The following TENM3 variants were observed in gnomAD, a reference collection of about 807,000 sequenced individuals.
The protein encoded by TENM3 is teneurin transmembrane protein 3.
In TENM3, 63 loss-of-function variants were observed where a neutral mutation model predicts 255.1. The observed-to-expected ratio is 0.25, with a 90% CI of 0.20 to 0.30. The LOEUF (loss-of-function observed/expected upper bound fraction) is 0.30, where lower values mean the gene tolerates loss of function less well. Among genes scored for constraint, TENM3 ranks in the 10% least tolerant of loss-of-function variants. The probability of loss-of-function intolerance (pLI) is 1.00; values close to 1 mark genes in which losing one functional copy is unlikely to be tolerated. For synonymous variants in TENM3, 1,306 were observed against 1,322.3 expected (o/e 0.99, Z 0.27); for missense variants, 2,929 against 3,461.1 (o/e 0.85, Z 3.86).
At chr4:181,524,415 T>C in the TENM3 span, among the ~76,000 whole-genome samples, 1 of 152,226 alleles carries the variant, frequency 6.6e-6, no homozygotes, top group Non-Finnish European at 1.5e-5. Context: ...GCGAACTCCG[T>C]GTCTTTGGGA....
chr4:181,786,516 C>T, the TENM3 span, among the ~76,000 whole-genome samples: 6,013 of 151,966 alleles, frequency 0.04, 182 homozygotes, highest in African/African-American at 0.083. Context: ...GGGGTGGAGC[C>T]GCACAGAAAC....
intron 1 of TENM3, among the ~76,000 whole-genome samples, chr4:182,155,583 A>G (rs2149597472): frequency 6.6e-6 from 1 of 152,272 alleles, no homozygotes; most frequent in East Asian, 1.9e-4. Flanking sequence ...AGACTTTCAT[A>G]ATCTTTCATA....
At position 182,729,039 on chromosome 4, in the gene TENM3, C is replaced by T; in HGVS notation, c.2443C>T (p.Leu815=). Residue 815 remains leucine (L), a synonymous_variant, in exon 14 of 28, where the codon CTG becomes TTG. Coordinates refer to ENST00000511685, the MANE Select transcript of TENM3 (RefSeq NM_001080477.4). ...CCAGAATCAGCCCTATTGTCGGGGACTGCCGGATCCTCAGGACATCATTAG... is the reference window on the plus strand; with the variant it reads ...CCAGAATCAGCCCTATTGTCGGGGATTGCCGGATCCTCAGGACATCATTAG... ...SCQNQPYCRG[L]PDPQDIISQS... The T allele has an allele frequency of 6.2e-7, 1 of 1,614,002 alleles. No individual in the cohort carries two copies. Among genetic ancestry groups the T allele is most frequent in the Non-Finnish European group, 8.5e-7 (1 of 1,179,896 alleles).
intron 3 of TENM3, among the ~76,000 whole-genome samples, chr4:182,593,764 C>G (rs538049339): frequency 6.6e-6 from 1 of 152,164 alleles, no homozygotes; most frequent in East Asian, 1.9e-4. Flanking sequence ...CCACATGAAC[C>G]GAGCACACAC....
chr4:182,437,119 T>C (rs1443800295), intron 3 of TENM3, among the ~76,000 whole-genome samples: 3 of 152,060 alleles, frequency 2.0e-5, no homozygotes, highest in African/African-American at 7.2e-5. Flanking sequence ...ATGTGCCTAC[T>C]ATCTTAACAC....
the TENM3 span, among the ~76,000 whole-genome samples, chr4:181,887,989 G>T: frequency 1.3e-5 from 2 of 152,072 alleles, no homozygotes; most frequent in African/African-American, 4.8e-5. Flanking sequence ...CTTCCCAGAT[G>T]AGGCTCAATT....
At chr4:181,456,625 C>G in the TENM3 span, among the ~76,000 whole-genome samples, 1 of 151,768 alleles carries the variant, frequency 6.6e-6, no homozygotes, top group Non-Finnish European at 1.5e-5. Flanking sequence ...ATGGGCAATA[C>G]TGGTGCTGTG....
chr4:182,466,897 C>T (rs1053417384), intron 3 of TENM3, among the ~76,000 whole-genome samples: 22 of 148,282 alleles, frequency 1.5e-4, no homozygotes, highest in Non-Finnish European at 3.0e-4. Flanking sequence ...GGTTTAGATA[C>T]GTTAGAATTG....
At chr4:182,270,084 A>T (rs1416570593) in intron 1 of TENM3, among the ~76,000 whole-genome samples, 1 of 152,156 alleles carries the variant, frequency 6.6e-6, no homozygotes, top group Non-Finnish European at 1.5e-5. Flanking sequence ...AATGGAAAAA[A>T]TTGCCTGAGT....
intron 16 of TENM3, among the ~76,000 whole-genome samples, chr4:182,731,694 GGTGTGTGTGTGTGTGTGT>G (rs70956536): frequency 9.6e-5 from 12 of 124,758 alleles, no homozygotes; most frequent in East Asian, 8.3e-4. Flanking sequence ...TGGGTGTTGG[GGTGTGTGTGTGTGTGTGT>G]GTGTGTGTGT....
chr4:182,706,921 C>T (rs375218697), intron 12 of TENM3, among the ~76,000 whole-genome samples: 19 of 151,122 alleles, frequency 1.3e-4, no homozygotes, highest in African/African-American at 2.4e-4. Flanking sequence ...ATTGCACCAG[C>T]GCACTCCAGC....
At chr4:181,775,596 A>G in the TENM3 span, among the ~76,000 whole-genome samples, 1 of 152,166 alleles carries the variant, frequency 6.6e-6, no homozygotes, top group Non-Finnish European at 1.5e-5. Flanking sequence ...TAAATTATCA[A>G]ACAGGAAGAA....
At chr4:181,838,919 T>G in the TENM3 span, among the ~76,000 whole-genome samples, 1 of 151,978 alleles carries the variant, frequency 6.6e-6, no homozygotes, top group Non-Finnish European at 1.5e-5. Flanking sequence ...ATTTTGTTGT[T>G]ATTTTTGTAA....
At chr4:182,321,984 T>C (rs1412472910) in intron 1 of TENM3, among the ~76,000 whole-genome samples, 1 of 152,122 alleles carries the variant, frequency 6.6e-6, no homozygotes, top group Non-Finnish European at 1.5e-5. Flanking sequence ...TACTTCTCTT[T>C]GTTGGAATAA....
the TENM3 span, among the ~76,000 whole-genome samples, chr4:182,082,178 A>G: frequency 6.6e-6 from 1 of 152,202 alleles, no homozygotes; most frequent in Admixed American, 6.5e-5. Flanking sequence ...GTCCAAGATC[A>G]AGGTGCCAGC....
At position 182,421,296 on chromosome 4, in the gene TENM3, A is replaced by G. The variant is rs528361281; in HGVS notation, c.511+74367A>G. Among the ~76,000 whole-genome samples, 188 of 152,294 alleles carry G rather than the reference A, an allele frequency of 1.2e-3. 3 individuals are homozygous for G. In the South Asian group the frequency reaches 0.035, roughly 28 times the overall value. On this transcript the variant is annotated intron_variant, in intron 3 of 27. Transcript: ENST00000511685. Reference sequence around the variant, plus strand: ...TAGATAGAGAGGACACTATCTCCAAAGTAAGTGAGGGCTTAGAGAGATTAA... The same window carrying G: ...TAGATAGAGAGGACACTATCTCCAAGGTAAGTGAGGGCTTAGAGAGATTAA...
intron 1 of TENM3, among the ~76,000 whole-genome samples, chr4:182,262,416 G>A (rs776234612): frequency 1.4e-4 from 21 of 152,050 alleles, no homozygotes; most frequent in Non-Finnish European, 3.1e-4. Flanking sequence ...CAAAATACAG[G>A]TCATAAAGAC....
chr4:182,159,447 AGTGT>A (rs67981646), intron 1 of TENM3, among the ~76,000 whole-genome samples: 7,682 of 130,602 alleles, frequency 0.059, 300 homozygotes, highest in South Asian at 0.14. Context: ...AGTGTGTATG[AGTGT>A]GTGTGTGTGT....
At chr4:182,454,205 T>C (rs1773697999) in intron 3 of TENM3, among the ~76,000 whole-genome samples, 1 of 152,214 alleles carries the variant, frequency 6.6e-6, no homozygotes, top group Non-Finnish European at 1.5e-5. Flanking sequence ...CAGCCACCCC[T>C]GCTTGTTTTA....
Sources: gnomAD v4.1 joint callset for allele counts (sites outside exome capture counted in the v4.1 genomes callset) on GRCh38, gnomAD v4.1.1 for gene constraint, MANE v1.5 for transcripts, NCBI Gene and HGNC (gene_info 2026-07-23, HGNC 2026-07-21) for gene names.